Variants in SPAG9 observed in about 807,000 individuals in gnomAD.
The protein encoded by SPAG9 is C-Jun-amino-terminal kinase-interacting protein 4.
Under a neutral mutation model 166.5 loss-of-function variants are expected in SPAG9, and 35 were observed. The observed-to-expected ratio is 0.21, with a 90% CI of 0.16 to 0.28. The LOEUF (loss-of-function observed/expected upper bound fraction) is 0.28. SPAG9 is among the 10% of genes least tolerant of loss of function. The pLI, the probability that SPAG9 is intolerant of heterozygous loss-of-function variation, is 1.00. For missense variants in SPAG9, 1,235 were observed against 1,603.3 expected (o/e 0.77, Z 3.92); for synonymous variants, 534 against 565.5 (o/e 0.94, Z 0.79).
chr17:50,982,728 A>T (rs1351092665), intron 24 of SPAG9, 56 bp from the exon 25 acceptor site: 4 of 1,414,206 alleles, frequency 2.8e-6, no homozygotes, highest in Non-Finnish European at 3.9e-6. Context: ...CTCAATTTCA[A>T]CACAAGAAAC....
intron 3 of SPAG9, among the ~76,000 whole-genome samples, chr17:51,054,431 G>A (rs1173627138): frequency 2.0e-5 from 3 of 149,262 alleles, no homozygotes; most frequent in African/African-American, 5.0e-5. Context: ...CCAAAATGTG[G>A]GTTTTTTTGG....
chr17:51,093,209 T>TA (rs1007435170), intron 1 of SPAG9, among the ~76,000 whole-genome samples: 8 of 150,518 alleles, frequency 5.3e-5, no homozygotes, highest in African/African-American at 1.5e-4. Flanking sequence ...ACCCTCTTTT[T>TA]AAAAAAAACA....
At chr17:51,088,366 A>C (rs1400094887) in intron 1 of SPAG9, among the ~76,000 whole-genome samples, 1 of 152,184 alleles carries the variant, frequency 6.6e-6, no homozygotes, top group Non-Finnish European at 1.5e-5. Context: ...ATAAAACTAA[A>C]ACTCTTTGCC....
At chr17:51,033,034 T>TC (rs1289669827) in intron 5 of SPAG9, among the ~76,000 whole-genome samples, 2 of 151,434 alleles carry the variant, frequency 1.3e-5, no homozygotes, top group Admixed American at 6.6e-5. Flanking sequence ...TTTTTTTTTT[T>TC]CCCCTAGCTT....
At position 51,111,190 on chromosome 17, in the gene SPAG9, T is replaced by A. The variant is rs541170907; in HGVS notation, c.303+9164A>T. 4.6e-5 allele frequency among the ~76,000 whole-genome samples: 7 copies of A among 152,086 alleles called. No homozygotes were observed. In the East Asian group the frequency reaches 1.4e-3, roughly 29 times the overall value. On this transcript the variant is annotated intron_variant, in intron 1 of 29. Transcript: ENST00000262013. ...AATATCACTGGTCAAGATTTCAAAGTAAAAAACAGAACTTATATATACCCA... is the reference window on the plus strand; with the variant it reads ...AATATCACTGGTCAAGATTTCAAAGAAAAAAACAGAACTTATATATACCCA...
intron 1 of SPAG9, among the ~76,000 whole-genome samples, chr17:51,092,761 A>G (rs2048503933): frequency 7.0e-6 from 1 of 142,416 alleles, no homozygotes; most frequent in African/African-American, 2.7e-5. Context: ...CAAAAAAAAA[A>G]AAAAAAGAAA....
At chr17:51,071,357 G>A (rs192868571) in intron 2 of SPAG9, among the ~76,000 whole-genome samples, 10 of 152,100 alleles carry the variant, frequency 6.6e-5, no homozygotes, top group African/African-American at 9.7e-5. Context: ...CACTTGAAAA[G>A]CACCAAGGCT....
At chr17:51,075,856 G>C (rs1424835343) in intron 2 of SPAG9, among the ~76,000 whole-genome samples, 3 of 151,874 alleles carry the variant, frequency 2.0e-5, no homozygotes, top group Non-Finnish European at 4.4e-5. Context: ...AGCACTTCAG[G>C]AGGCCGAGGC....
At chr17:51,113,692 A>C (rs1448686426) in intron 1 of SPAG9, among the ~76,000 whole-genome samples, 1 of 151,290 alleles carries the variant, frequency 6.6e-6, no homozygotes, top group Non-Finnish European at 1.5e-5. Flanking sequence ...AAAAAAAAAA[A>C]ACAACAACAA....
chr17:51,006,056 T>G (rs1238206867), intron 11 of SPAG9, 29 bp downstream of exon 11: 1 of 1,610,830 alleles, frequency 6.2e-7, no homozygotes, highest in Non-Finnish European at 8.5e-7. Context: ...GCAAAGAGTT[T>G]GGTTTAGAAC....
rs373004587 is a variant in SPAG9 at position 50,964,587 on chromosome 17, C to CAA, written c.*1683_*1684dup. On this transcript the variant is annotated 3_prime_UTR_variant, in exon 30 of 30. Coordinates refer to ENST00000262013, the MANE Select transcript of SPAG9 (RefSeq NM_001130528.3). ...TGGGCAACAGAGCCAGACTCCGTCT[C>CAA]AAAAAAAAAAAAAAAAATCATATTT... is the stretch of plus-strand genomic sequence containing the variant. The CAA allele has an allele frequency of 0.13, 22,924 of 176,446 alleles. 1,298 individuals are homozygous for CAA. Among genetic ancestry groups the CAA allele is most frequent in the Non-Finnish European group, 0.16 (14,212 of 89,192 alleles). 10.9% of individuals were successfully genotyped at this position (176,446 alleles called of 1,614,324 possible). A position where few individuals can be genotyped will look rare whatever the true frequency, so the allele number is the denominator to read the frequency against.
intron 1 of SPAG9, among the ~76,000 whole-genome samples, chr17:51,109,235 CTTTTTCT>C (rs1242872766): frequency 2.0e-5 from 3 of 151,256 alleles, no homozygotes; most frequent in Non-Finnish European, 4.4e-5. Flanking sequence ...ATTTCTTTTT[CTTTTTCT>C]TTTTTCTTTT....
In SPAG9 at chr17:51,006,091, A is replaced by T. The variant is rs923220458; in HGVS notation, c.1418T>A (p.Leu473His). 6.2e-7 allele frequency: 1 copy of T among 1,614,040 alleles called. No homozygotes were observed. Residue 473 changes from leucine (L) to histidine (H), a missense_variant, in exon 11 of 30, where the codon CTT becomes CAT. Around this residue, in one of 6 missense-constraint regions of SPAG9, gnomAD observed 125 missense variants for 194.0 expected, o/e 0.64. Transcript: ENST00000262013. ...EEKNRELEEE[L>H]RKARAEAEDA... ...CAACACAGTTAAAACTTACTTCCTA[A>T]GCTCTTCCTCCAATTCTCTGTTCTT...
intron 11 of SPAG9, among the ~76,000 whole-genome samples, chr17:51,005,473 A>G (rs1413839477): frequency 6.6e-6 from 1 of 152,254 alleles, no homozygotes; most frequent in African/African-American, 2.4e-5. Flanking sequence ...GGATAAAAAA[A>G]TAATGTTTTA....
Position 51,001,850 on chromosome 17 carries a change from A to C in SPAG9, c.1477-5T>G. 6.2e-7 allele frequency: 1 copy of C among 1,610,386 alleles called. No homozygotes were observed. The highest frequency in any genetic ancestry group is 1.3e-5 in the African/African-American group (1 of 74,820). On this transcript the variant is annotated splice_polypyrimidine_tract_variant and splice_region_variant and intron_variant, in intron 12 of 29. Coordinates refer to ENST00000262013, the MANE Select transcript of SPAG9 (RefSeq NM_001130528.3). The stretch of plus-strand genomic sequence containing the variant: ...CTGGGCTGTGGGAATATCACTCTAT[A>C]ATGACAAGAAAATGACATATCATTC...
intron 1 of SPAG9, among the ~76,000 whole-genome samples, chr17:51,079,989 A>G (rs1023939779): frequency 1.3e-5 from 2 of 152,226 alleles, no homozygotes; most frequent in Non-Finnish European, 2.9e-5. Context: ...ATACTTGCAT[A>G]TGCATCTTGA....
At chr17:50,973,249 A>T (rs1973957806) in intron 28 of SPAG9, among the ~76,000 whole-genome samples, 2 of 152,224 alleles carry the variant, frequency 1.3e-5, no homozygotes, top group South Asian at 4.1e-4. Flanking sequence ...TAAAAATACA[A>T]AAACAGGGGC....
rs1023810785 is a variant in SPAG9 at position 50,991,923 on chromosome 17, C to CTTTT, written c.2399-1259_2399-1256dup. ...ACAGGTGTAAGCCACCATGCCAGGT[C>CTTTT]TTTTTTTTTTTTTTTTTTTTTTTTT... On this transcript the variant is annotated intron_variant, in intron 19 of 29. Coordinates refer to ENST00000262013, the MANE Select transcript of SPAG9 (RefSeq NM_001130528.3). 8.5e-4 allele frequency among the ~76,000 whole-genome samples: 54 copies of CTTTT among 63,334 alleles called. 2 individuals carry two copies. Among genetic ancestry groups the CTTTT allele is most frequent in the Middle Eastern group, 0.015 (1 of 68 alleles). The allele number at this position is 63,334 out of a possible 152,430, so 41.5% of individuals were successfully genotyped here.
chr17:51,073,499 A>C (rs1276264306), intron 2 of SPAG9, among the ~76,000 whole-genome samples: 1 of 152,090 alleles, frequency 6.6e-6, no homozygotes, highest in Non-Finnish European at 1.5e-5. Context: ...AAAATTAAGA[A>C]ATAAGTAATT....
Sources: allele counts gnomAD v4.1 joint callset (sites outside exome capture counted in the v4.1 genomes callset), GRCh38; gene constraint gnomAD v4.1.1; regional missense constraint gnomAD v4.1.1; transcripts MANE v1.5; gene names NCBI Gene and HGNC (gene_info 2026-07-23, HGNC 2026-07-21).